The following ITGAM variants were observed in gnomAD, a reference collection of about 807,000 sequenced individuals.
The protein encoded by ITGAM is integrin alpha-M.
ITGAM carries 79 observed loss-of-function variants against 137.5 expected under a neutral mutation model. The ratio of observed to expected loss-of-function variants is 0.57; its 90% CI spans 0.48 to 0.69. ITGAM has a LOEUF of 0.69. ITGAM is among the 30% of genes least tolerant of loss of function. The pLI is 0.00. For synonymous variants in ITGAM, 583 were observed against 592.3 expected (o/e 0.98, Z 0.23); for missense variants, 1,343 against 1,483.5 (o/e 0.91, Z 1.56).
intron 14 of ITGAM, among the ~76,000 whole-genome samples, chr16:31,309,612 C>T (rs1045340889): frequency 6.6e-6 from 1 of 152,096 alleles, no homozygotes; most frequent in Admixed American, 6.6e-5. Flanking sequence ...ATCCAATTTG[C>T]CAGTCTGTGC....
intron 14 of ITGAM, among the ~76,000 whole-genome samples, chr16:31,306,697 A>G (rs2080268099): frequency 6.6e-6 from 1 of 151,928 alleles, no homozygotes; most frequent in Non-Finnish European, 1.5e-5. Context: ...TTTTTAGTAG[A>G]GATTGGGTTT....
At chr16:31,262,335 CCAT>C (rs2079710781) in intron 2 of ITGAM, among the ~76,000 whole-genome samples, 4 of 81,224 alleles carry the variant, frequency 4.9e-5, no homozygotes, top group East Asian at 3.1e-4. Context: ...TCCCTCCCTT[CCAT>C]CCTTCCTTCC....
At chr16:31,272,076 CAG>C in intron 7 of ITGAM, 84 bp downstream of exon 7, 6 of 1,538,400 alleles carry the variant, frequency 3.9e-6, no homozygotes, top group East Asian at 2.3e-5. Flanking sequence ...GCCGTTCAGA[CAG>C]GGGTGGTAGA....
At chr16:31,316,426 A>G (rs572544085) in intron 14 of ITGAM, among the ~76,000 whole-genome samples, 3 of 151,932 alleles carry the variant, frequency 2.0e-5, no homozygotes, top group Admixed American at 2.0e-4. Context: ...TTGATTGTAA[A>G]TGCATGGGTT....
intron 25 of ITGAM, 68 bp downstream of exon 25, chr16:31,329,973 G>C (rs2080558551): frequency 6.5e-7 from 1 of 1,531,196 alleles, no homozygotes; most frequent in African/African-American, 1.4e-5. Context: ...AATGCTATTG[G>C]GTTTTAGAGC....
chr16:31,309,411 CTTCT>C (rs1329596845), intron 14 of ITGAM, among the ~76,000 whole-genome samples: 1 of 127,222 alleles, frequency 7.9e-6, no homozygotes, highest in East Asian at 2.2e-4. Flanking sequence ...ATGTAATGGC[CTTCT>C]TTGTCTCTTT....
rs762427043 is a variant in ITGAM, at chr16:31,331,628, C to T, written c.3388-8C>T. 1.9e-6 allele frequency: 3 copies of T among 1,602,678 alleles called. No individual in the cohort carries two copies. The highest frequency in any genetic ancestry group is 1.1e-5 in the South Asian group (1 of 88,938). ...CTGTCGCTCTCACTGCCCTCCTCTGCCCCGCAGCTCGGCTTCTTCAAGCGG... is the reference window on the plus strand; with the variant it reads ...CTGTCGCTCTCACTGCCCTCCTCTGTCCCGCAGCTCGGCTTCTTCAAGCGG... On this transcript the variant is annotated splice_region_variant and splice_polypyrimidine_tract_variant and intron_variant, in intron 29 of 29. Coordinates refer to ENST00000544665, the MANE Select transcript of ITGAM (RefSeq NM_000632.4).
At position 31,278,056 on chromosome 16, in the gene ITGAM, TTCAGGCAGAACAC is replaced by T; in HGVS notation, c.1305_1317del (p.Phe435LeufsTer86). 6.2e-7 allele frequency: 1 copy of T among 1,608,650 alleles called. No individual in the cohort carries two copies. The highest frequency in any genetic ancestry group is 2.2e-5 in the East Asian group (1 of 44,676). On this transcript the variant is annotated frameshift_variant, in exon 12 of 30. Transcript: ENST00000544665. LOFTEE classifies it high-confidence loss of function. ...TCAGCACATCGGCCTGGTAGCGATG[TTCAGGCAGAACAC>T]TGGCATGTGGGAGTCCAACGCTAAT... is the stretch of plus-strand genomic sequence containing the variant.
chr16:31,315,681 ACTC>A (rs1321228650), intron 14 of ITGAM, among the ~76,000 whole-genome samples: 1 of 150,602 alleles, frequency 6.6e-6, no homozygotes, highest in African/African-American at 2.4e-5. Context: ...CTGGTCTTGA[ACTC>A]CTGATCTAAG....
intron 14 of ITGAM, 127 bp downstream of exon 14, chr16:31,298,081 CAT>C (rs1336499194): frequency 2.4e-6 from 2 of 818,612 alleles, no homozygotes; most frequent in Admixed American, 2.5e-5. Flanking sequence ...AAAATAATAA[CAT>C]GTGGCTGGGC....
At chr16:31,313,937 G>A (rs2144451131) in intron 14 of ITGAM, among the ~76,000 whole-genome samples, 1 of 151,858 alleles carries the variant, frequency 6.6e-6, no homozygotes, top group East Asian at 1.9e-4. Flanking sequence ...GGCATGAGAT[G>A]GTATCTCATT....
At chr16:31,299,890 G>A (rs1213769482) in intron 14 of ITGAM, among the ~76,000 whole-genome samples, 1 of 136,204 alleles carries the variant, frequency 7.3e-6, no homozygotes, top group Non-Finnish European at 1.5e-5. Flanking sequence ...ACAAAGTCTT[G>A]TTCTGTCACA....
intron 14 of ITGAM, among the ~76,000 whole-genome samples, chr16:31,305,214 G>A (rs1174042239): frequency 1.3e-5 from 2 of 151,922 alleles, no homozygotes; most frequent in Admixed American, 6.6e-5. Context: ...TTTTATTTTT[G>A]TAGCTGTTAT....
chr16:31,324,586 T>C lies in ITGAM; in HGVS notation c.2157+33T>C. On this transcript the variant is annotated intron_variant, in intron 17 of 29. Coordinates refer to ENST00000544665, the MANE Select transcript of ITGAM (RefSeq NM_000632.4). The surrounding 1 kb of genome is among the most constrained non-coding windows in gnomAD (Gnocchi z 4.5). ...GGCTAGTGGCCAGACCCCTGGGTCTTCCAAGCATGGAGTGGGCTTGGGGAG... is the reference window on the plus strand; with the variant it reads ...GGCTAGTGGCCAGACCCCTGGGTCTCCCAAGCATGGAGTGGGCTTGGGGAG... The C allele has an allele frequency of 6.2e-7, 1 of 1,610,314 alleles. No individual in the cohort carries two copies. Among genetic ancestry groups the C allele is most frequent in the African/African-American group, 1.3e-5 (1 of 74,972 alleles).
At chr16:31,316,552 C>T (rs551400381) in intron 14 of ITGAM, among the ~76,000 whole-genome samples, 4 of 151,802 alleles carry the variant, frequency 2.6e-5, no homozygotes, top group Non-Finnish European at 5.9e-5. Context: ...TAGTGTGATA[C>T]CTCTACCTTT....
chr16:31,310,207 C>T lies in ITGAM; in HGVS notation c.1708-11034C>T, dbSNP rs566216231. Among the ~76,000 whole-genome samples, 23 of 152,080 alleles carry T rather than the reference C, an allele frequency of 1.5e-4. No individual in the cohort carries two copies. In the East Asian group the frequency reaches 3.3e-3, roughly 22 times the overall value. On this transcript the variant is annotated intron_variant, in intron 14 of 29. Coordinates refer to ENST00000544665, the MANE Select transcript of ITGAM (RefSeq NM_000632.4). The stretch of plus-strand genomic sequence containing the variant: ...CTCTTCTCGAGGAGTATCTTTGTGG[C>T]GTTCTCTGTATTTCCTGAATTTGAA...
At chr16:31,274,557 T>A (rs1267629233) in intron 8 of ITGAM, among the ~76,000 whole-genome samples, 2 of 152,152 alleles carry the variant, frequency 1.3e-5, no homozygotes, top group East Asian at 3.8e-4. Context: ...AATGTGCTTG[T>A]TTGCATCCTT....
Position 31,297,632 on chromosome 16 carries a change from C to T in ITGAM, c.1475C>T (p.Ser492Phe), listed in dbSNP as rs2080148486. The T allele has an allele frequency of 1.9e-6, 3 of 1,613,288 alleles. No individual in the cohort carries two copies. Among genetic ancestry groups the T allele is most frequent in the East Asian group, 2.2e-5 (1 of 44,884 alleles). Reference protein sequence around the residue: ...YYEQTRGGQVSVCPLPRGRAR... With the variant: ...YYEQTRGGQVFVCPLPRGRAR... The stretch of plus-strand genomic sequence containing the variant: ...GAGCAGACCCGAGGGGGCCAGGTGT[C>T]CGTGTGCCCCTTGCCCAGGGGGGTG... Residue 492 changes from serine to phenylalanine, a missense_variant, in exon 13 of 30, where the codon TCC becomes TTC. Coordinates refer to ENST00000544665, the MANE Select transcript of ITGAM (RefSeq NM_000632.4).
Position 31,261,778 on chromosome 16 carries a change from G to A in ITGAM, c.115G>A (p.Val39Ile). Residue 39 changes from valine to isoleucine, a missense_variant, in exon 2 of 30, where the codon GTC (valine) becomes ATC (isoleucine). Coordinates refer to ENST00000544665, the MANE Select transcript of ITGAM (RefSeq NM_000632.4). ...CGCAAGGGGCTTCGGGCAGAGCGTG[G>A]TCCAGCTTCAGGGATCCAGGTGAGA... Reference protein sequence around the residue: ...ENARGFGQSVVQLQGSRVVVG... With the variant: ...ENARGFGQSVIQLQGSRVVVG... 1 of 1,612,648 alleles carries A rather than the reference G, an allele frequency of 6.2e-7. No individual in the cohort carries two copies. Among genetic ancestry groups the A allele is most frequent in the Non-Finnish European group, 8.5e-7 (1 of 1,179,272 alleles).
Sources: allele counts gnomAD v4.1 joint callset (sites outside exome capture counted in the v4.1 genomes callset), GRCh38; gene constraint gnomAD v4.1.1; non-coding constraint Gnocchi (gnomAD v3.1); transcripts MANE v1.5; gene names NCBI Gene and HGNC (gene_info 2026-07-23, HGNC 2026-07-21).